SAP30: variants seen among roughly 807,000 people sequenced by gnomAD.
The protein encoded by SAP30 is histone deacetylase complex subunit SAP30.
A neutral mutation model predicts 19.6 loss-of-function variants in SAP30; 13 were observed. The observed-to-expected ratio is 0.66, with a 90% confidence interval of 0.43 to 1.05. The LOEUF is 1.05. Ranked by LOEUF, SAP30 falls within the 50% of genes least tolerant of loss-of-function variation. The pLI is 0.00. For synonymous variants in SAP30, 108 were observed against 122.7 expected (o/e 0.88, Z 0.79); for missense variants, 257 against 292.1 (o/e 0.88, Z 0.88).
intron 2 of SAP30, 67 bp downstream of exon 2, chr4:173,373,582 A>T: frequency 7.1e-7 from 1 of 1,416,578 alleles, no homozygotes; most frequent in Non-Finnish European, 9.4e-7. Context: ...TTATAAAAAG[A>T]TATGAACAAT....
Position 173,371,065 on chromosome 4 carries a change from GGCCGT to G in SAP30, c.-113_-109del. ...AGCAGGCCCGGGACAGTTGGTGTTT[GGCCGT>G]GCCGCTGTCTAACTTGGTGTGCAGA... On this transcript the variant is annotated 5_prime_UTR_variant, in exon 1 of 4. Coordinates refer to ENST00000296504, the MANE Select transcript of SAP30 (RefSeq NM_003864.4). The surrounding 1 kb of genome is among the most constrained non-coding windows in gnomAD (Gnocchi z 6.4). 2 of 1,200,560 alleles carry G rather than the reference GGCCGT, an allele frequency of 1.7e-6. No homozygotes were observed. Among genetic ancestry groups the G allele is most frequent in the Non-Finnish European group, 2.2e-6 (2 of 921,586 alleles). The allele number at this position is 1,200,560 out of a possible 1,614,324, so 74.4% of individuals were successfully genotyped here. A position where few individuals can be genotyped will look rare whatever the true frequency, so the allele number is the denominator to read the frequency against.
Position 173,371,508 on chromosome 4 carries a change from C to G in SAP30, c.315+11C>G. 2 of 1,579,292 alleles carry G rather than the reference C, an allele frequency of 1.3e-6. No individual in the cohort carries two copies. Among genetic ancestry groups the G allele is most frequent in the Non-Finnish European group, 8.6e-7 (1 of 1,167,726 alleles). ...GAGCTGGATAAGAGCGTAAGTAAAC[C>G]GCGGGACCGCCCTGCCCTCCCGCCC... On this transcript the variant is annotated intron_variant, in intron 1 of 3. Coordinates refer to ENST00000296504, the MANE Select transcript of SAP30 (RefSeq NM_003864.4). This position sits in a 1 kb window ranked among gnomAD's most constrained non-coding sequence, Gnocchi z 6.4.
At chr4:173,373,879 A>G in intron 2 of SAP30, 60 bp from the exon 3 acceptor site, 1 of 804,002 alleles carries the variant, frequency 1.2e-6, no homozygotes, top group Non-Finnish European at 2.0e-6. Context: ...TATTATACAT[A>G]TCAATGATAA....
chr4:173,371,462 TC>T lies in SAP30; in HGVS notation c.283del (p.Gln95ArgfsTer4), dbSNP rs754318304. 6.3e-7 allele frequency: 1 copy of T among 1,590,796 alleles called. No individual in the cohort carries two copies. On this transcript the variant is annotated frameshift_variant, in exon 1 of 4. Transcript: ENST00000296504. LOFTEE classifies it high-confidence loss of function. This position sits in a 1 kb window ranked among gnomAD's most constrained non-coding sequence, Gnocchi z 6.4. ...CAGCAAGAGGATCCAGAAGAGCATC[TC>T]CCAGAAGAAGGTGAAGATCGAGCTG... ...SFSKRIQKSI[S>X]QKKVKIELDK...
intron 1 of SAP30, among the ~76,000 whole-genome samples, chr4:173,372,761 T>C (rs1203235497): frequency 7.2e-6 from 1 of 138,710 alleles, no homozygotes; most frequent in Non-Finnish European, 1.5e-5. Flanking sequence ...CATGAACTAA[T>C]TCAGGTCATC....
Position 173,371,492 on chromosome 4 carries a change from A to G in SAP30, c.310A>G (p.Lys104Glu), listed in dbSNP as rs750975131. The G allele has an allele frequency of 7.0e-6, 11 of 1,582,548 alleles. No individual in the cohort carries two copies. Among genetic ancestry groups the G allele is most frequent in the Non-Finnish European group, 9.4e-6 (11 of 1,169,622 alleles). ...GAAGAAGGTGAAGATCGAGCTGGAT[A>G]AGAGCGTAAGTAAACCGCGGGACCG... ...SQKKVKIELDKSARHLYICDY... is the reference protein window; with the variant it reads ...SQKKVKIELDESARHLYICDY... The change falls in exon 1 of 4, where the codon AAG (lysine) becomes GAG (glutamate). Residue 104 changes from lysine (K) to glutamate (E), a missense_variant. Coordinates refer to ENST00000296504, the MANE Select transcript of SAP30 (RefSeq NM_003864.4). The surrounding 1 kb of genome is among the most constrained non-coding windows in gnomAD (Gnocchi z 6.4).
Position 173,371,306 on chromosome 4 carries a change from G to T in SAP30, c.124G>T (p.Ala42Ser). The T allele has an allele frequency of 7.7e-7, 1 of 1,296,970 alleles. No individual in the cohort carries two copies. The highest frequency in any genetic ancestry group is 9.7e-7 in the Non-Finnish European group (1 of 1,029,704). The allele number at this position is 1,296,970 out of a possible 1,614,324, so 80.3% of individuals were successfully genotyped here. A position where few individuals can be genotyped will look rare whatever the true frequency, so the allele number is the denominator to read the frequency against. The change falls in exon 1 of 4, where the codon GCT becomes TCT. Residue 42 changes from alanine to serine, a missense_variant. By Grantham distance (99) the Ala-to-Ser change is moderately conservative. Coordinates refer to ENST00000296504, the MANE Select transcript of SAP30 (RefSeq NM_003864.4). This position sits in a 1 kb window ranked among gnomAD's most constrained non-coding sequence, Gnocchi z 6.4. ...GAACGGGACCGGCGCGGGCACCGGG[G>T]CTGAGGTGCCGGGCGCGGGGGCGGT... is the stretch of plus-strand genomic sequence containing the variant. ...AGNGTGAGTGAEVPGAGAVSA... is the reference protein window; with the variant it reads ...AGNGTGAGTGSEVPGAGAVSA...
chr4:173,371,077 G>C lies in SAP30; in HGVS notation c.-106G>C. ...ACAGTTGGTGTTTGGCCGTGCCGCT[G>C]TCTAACTTGGTGTGCAGAGTGAATT... On this transcript the variant is annotated 5_prime_UTR_variant, in exon 1 of 4. Coordinates refer to ENST00000296504, the MANE Select transcript of SAP30 (RefSeq NM_003864.4). The surrounding 1 kb of genome is among the most constrained non-coding windows in gnomAD (Gnocchi z 6.4). 1 of 1,272,244 alleles carries C rather than the reference G, an allele frequency of 7.9e-7. No individual in the cohort carries two copies. The highest frequency in any genetic ancestry group is 1.0e-6 in the Non-Finnish European group (1 of 984,988). The allele number at this position is 1,272,244 out of a possible 1,614,324, so 78.8% of individuals were successfully genotyped here.
chr4:173,373,587 A>T (rs1283988347), intron 2 of SAP30, 72 bp downstream of exon 2: 2 of 1,384,546 alleles, frequency 1.4e-6, no homozygotes, highest in Non-Finnish European at 1.9e-6. Context: ...AAAAGATATG[A>T]ACAATCTTTT....
chr4:173,374,064 A>G, intron 3 of SAP30, 27 bp downstream of exon 3: 3 of 1,250,982 alleles, frequency 2.4e-6, no homozygotes, highest in Non-Finnish European at 3.4e-6. Context: ...AACTATTTGA[A>G]CTATCTGCAC....
intron 3 of SAP30, among the ~76,000 whole-genome samples, chr4:173,376,974 A>G (rs1347076242): frequency 6.6e-6 from 1 of 152,114 alleles, no homozygotes; most frequent in East Asian, 1.9e-4. Context: ...TAATCAATGT[A>G]TATTAAATTG....
At position 173,374,043 on chromosome 4, in the gene SAP30, T is replaced by C. The variant is rs555943820; in HGVS notation, c.540+6T>C. On this transcript the variant is annotated splice_donor_region_variant and intron_variant, in intron 3 of 3. Transcript: ENST00000296504. ...ATAAAGCACAACTTGTTGAGGTATATATGAGTTTTAAACTATTTGAACTAT... is the reference window on the plus strand; with the variant it reads ...ATAAAGCACAACTTGTTGAGGTATACATGAGTTTTAAACTATTTGAACTAT... 1.3e-6 allele frequency: 2 copies of C among 1,528,758 alleles called. No homozygotes were observed. Among genetic ancestry groups the C allele is most frequent in the Admixed American group, 1.9e-5 (1 of 52,610 alleles). 94.7% of individuals were successfully genotyped at this position (1,528,758 alleles called of 1,614,324 possible). A position where few individuals can be genotyped will look rare whatever the true frequency, so the allele number is the denominator to read the frequency against.
intron 3 of SAP30, among the ~76,000 whole-genome samples, chr4:173,375,861 T>G (rs1288960450): frequency 6.6e-6 from 1 of 152,208 alleles, no homozygotes; most frequent in African/African-American, 2.4e-5. Context: ...CTGCCTGAGC[T>G]CCGCCTCCTG....
chr4:173,371,060 T>G lies in SAP30; in HGVS notation c.-123T>G. The G allele has an allele frequency of 2.7e-6, 3 of 1,127,286 alleles. No individual in the cohort carries two copies. The highest frequency in any genetic ancestry group is 1.5e-5 in the South Asian group (1 of 65,404). The allele number at this position is 1,127,286 out of a possible 1,614,324, so 69.8% of individuals were successfully genotyped here. A position where few individuals can be genotyped will look rare whatever the true frequency, so the allele number is the denominator to read the frequency against. On this transcript the variant is annotated 5_prime_UTR_variant, in exon 1 of 4. Transcript: ENST00000296504. The surrounding 1 kb of genome is among the most constrained non-coding windows in gnomAD (Gnocchi z 6.4). ...AGACCAGCAGGCCCGGGACAGTTGG[T>G]GTTTGGCCGTGCCGCTGTCTAACTT...
In SAP30 at chr4:173,373,531, T is replaced by C; in HGVS notation, c.441+16T>C. The stretch of plus-strand genomic sequence containing the variant: ...TACCCCAGAGGTAGATGGAAGTTTT[T>C]TATGCTTAATGTAAATCCTAAGTAG... On this transcript the variant is annotated intron_variant, in intron 2 of 3. Coordinates refer to ENST00000296504, the MANE Select transcript of SAP30 (RefSeq NM_003864.4). 2 of 1,591,220 alleles carry C rather than the reference T, an allele frequency of 1.3e-6. No individual in the cohort carries two copies. The highest frequency in any genetic ancestry group is 1.7e-6 in the Non-Finnish European group (2 of 1,170,590).
At chr4:173,375,443 A>G (rs1425960494) in intron 3 of SAP30, among the ~76,000 whole-genome samples, 5 of 152,202 alleles carry the variant, frequency 3.3e-5, no homozygotes, top group Admixed American at 1.3e-4. Flanking sequence ...TGTACAATAC[A>G]TTAATGTAAC....
In SAP30 at chr4:173,377,532, A is replaced by G; in HGVS notation, c.*205A>G. 5.1e-6 allele frequency: 2 copies of G among 390,492 alleles called. No individual in the cohort carries two copies. The highest frequency in any genetic ancestry group is 8.2e-5 in the South Asian group (2 of 24,388). The allele number at this position is 390,492 out of a possible 1,614,324, so 24.2% of individuals were successfully genotyped here. A position where few individuals can be genotyped will look rare whatever the true frequency, so the allele number is the denominator to read the frequency against. On this transcript the variant is annotated 3_prime_UTR_variant, in exon 4 of 4. Coordinates refer to ENST00000296504, the MANE Select transcript of SAP30 (RefSeq NM_003864.4). ...ATTTTAAATAAAGGTTATTACTATT[A>G]TAGTTGCTTCAGTGTATTTATTTTG...
At chr4:173,373,163 C>T (rs549058771) in intron 1 of SAP30, among the ~76,000 whole-genome samples, 70 of 152,328 alleles carry the variant, frequency 4.6e-4, no homozygotes, top group African/African-American at 1.6e-3. Flanking sequence ...CCCCCTTCCC[C>T]AGATGGAACC....
Position 173,374,013 on chromosome 4 carries a change from A to T in SAP30, c.516A>T (p.Gly172=). ...KRHFKLPTRP[G]LNKAQLVEIV... ...ACTTCAAGCTACCAACCAGACCAGG[A>T]CTTAATAAAGCACAACTTGTTGAGG... The change falls in exon 3 of 4, where the codon GGA becomes GGT. Residue 172 remains glycine, a synonymous_variant. Coordinates refer to ENST00000296504, the MANE Select transcript of SAP30 (RefSeq NM_003864.4). 1.9e-6 allele frequency: 3 copies of T among 1,596,978 alleles called. No individual in the cohort carries two copies. The highest frequency in any genetic ancestry group is 2.6e-6 in the Non-Finnish European group (3 of 1,169,292).
Sources: allele counts gnomAD v4.1 joint callset (sites outside exome capture counted in the v4.1 genomes callset), GRCh38; gene constraint gnomAD v4.1.1; non-coding constraint Gnocchi (gnomAD v3.1); transcripts MANE v1.5; gene names NCBI Gene and HGNC (gene_info 2026-07-23, HGNC 2026-07-21).